The following UPK1B variants were observed in gnomAD, a reference collection of about 807,000 sequenced individuals.
UPK1B encodes uroplakin-1b.
Under a neutral mutation model 34.2 loss-of-function variants are expected in UPK1B, and 28 were observed. That is an observed-to-expected ratio of 0.82 (90% confidence interval 0.61 to 1.12). UPK1B has a LOEUF of 1.12. Ranked by LOEUF, UPK1B falls within the 50% of genes most tolerant of loss-of-function variation. The pLI, the probability that UPK1B is intolerant of heterozygous loss-of-function variation, is 0.00. For synonymous variants in UPK1B, 81 were observed against 110.4 expected, an observed-to-expected ratio of 0.73 and a Z score of 1.67; for missense variants, 325 against 320.9, an observed-to-expected ratio of 1.01 and a Z score of -0.10.
At chr3:119,185,735 A>G (rs2078014966) in intron 1 of UPK1B, among the ~76,000 whole-genome samples, 3 of 152,224 alleles carry the variant, frequency 2.0e-5, no homozygotes, top group Non-Finnish European at 4.4e-5. Context: ...GCAGGAATGC[A>G]TGAATTGATT....
At position 119,203,971 on chromosome 3, in the gene UPK1B, T is replaced by G; in HGVS notation, c.*4T>G. ...CTGGAGCAGAATTGAATATTAAGCA[T>G]AAAGTGTTGCCACCATACCTCCTTC... On this transcript the variant is annotated 3_prime_UTR_variant, in exon 8 of 8. Transcript: ENST00000264234. 1 of 1,613,926 alleles carries G rather than the reference T, an allele frequency of 6.2e-7. No individual in the cohort carries two copies. The highest frequency in any genetic ancestry group is 8.5e-7 in the Non-Finnish European group (1 of 1,179,988).
chr3:119,182,087 C>G (rs554764411), intron 1 of UPK1B, among the ~76,000 whole-genome samples: 10 of 152,360 alleles, frequency 6.6e-5, no homozygotes, highest in African/African-American at 2.4e-4. Flanking sequence ...AGGCGGGCCC[C>G]TCCCATGTGG....
chr3:119,193,010 C>A (rs11707683), intron 5 of UPK1B, among the ~76,000 whole-genome samples: 38,905 of 71,878 alleles, frequency 0.54, 5,004 homozygotes, highest in Middle Eastern at 0.58. Flanking sequence ...CACCACTCAA[C>A]AAAAACAACC....
At chr3:119,194,719 A>G (rs1420327820) in intron 6 of UPK1B, among the ~76,000 whole-genome samples, 1 of 152,252 alleles carries the variant, frequency 6.6e-6, no homozygotes, top group Admixed American at 6.5e-5. Flanking sequence ...GTTTTGCTCT[A>G]GTTTTGCAAA....
chr3:119,175,392 C>T lies in UPK1B; in HGVS notation c.-29+1754C>T, dbSNP rs569218163. 6.8e-4 allele frequency among the ~76,000 whole-genome samples: 103 copies of T among 152,104 alleles called. 1 individual carries two copies. The highest frequency in any genetic ancestry group is 1.2e-3 in the Non-Finnish European group (81 of 68,026). ...TTAACCAGAGTAAACACCAGCCAGCCTTTAAATATGCTCTGGAATTTGTGC... is the reference window on the plus strand; with the variant it reads ...TTAACCAGAGTAAACACCAGCCAGCTTTTAAATATGCTCTGGAATTTGTGC... On this transcript the variant is annotated intron_variant, in intron 1 of 7. Coordinates refer to ENST00000264234, the MANE Select transcript of UPK1B (RefSeq NM_006952.4).
intron 1 of UPK1B, among the ~76,000 whole-genome samples, chr3:119,180,075 C>T (rs1193023565): frequency 6.6e-6 from 1 of 151,976 alleles, no homozygotes; most frequent in South Asian, 2.1e-4. Context: ...CTCAGCATCC[C>T]AAAGTGCTGG....
At position 119,194,212 on chromosome 3, in the gene UPK1B, C is replaced by T; in HGVS notation, c.469-7C>T. On this transcript the variant is annotated splice_region_variant and splice_polypyrimidine_tract_variant and intron_variant, in intron 5 of 7. Coordinates refer to ENST00000264234, the MANE Select transcript of UPK1B (RefSeq NM_006952.4). ...AAGAGAATTTTGTATCTCTCATCTG[C>T]TGACAGGACAATTGCTGTGGCGTAA... 6.2e-7 allele frequency: 1 copy of T among 1,613,252 alleles called. No individual in the cohort carries two copies. Among genetic ancestry groups the T allele is most frequent in the East Asian group, 2.2e-5 (1 of 44,864 alleles).
intron 6 of UPK1B, 68 bp downstream of exon 6, chr3:119,194,466 A>ATAACACAGCATTG: frequency 7.1e-7 from 1 of 1,402,936 alleles, no homozygotes; most frequent in Non-Finnish European, 9.6e-7. Context: ...AATATTGGTC[A>ATAACACAGCATTG]ACTGTAGGAA....
chr3:119,180,842 T>C (rs1286689675), intron 1 of UPK1B, among the ~76,000 whole-genome samples: 1 of 152,172 alleles, frequency 6.6e-6, no homozygotes, highest in Admixed American at 6.5e-5. Flanking sequence ...TTATGTCACC[T>C]TTCCTCTAAG....
chr3:119,196,464 GGCACAAAGCAA>G (rs1416628285), intron 6 of UPK1B, among the ~76,000 whole-genome samples: 1 of 152,010 alleles, frequency 6.6e-6, no homozygotes, highest in Non-Finnish European at 1.5e-5. Context: ...CATAATGCCT[GGCACAAAGCAA>G]GCACCGACGT....
At chr3:119,190,955 C>T (rs1217038517) in intron 4 of UPK1B, 27 bp from the exon 5 acceptor site, 1 of 1,612,364 alleles carries the variant, frequency 6.2e-7, no homozygotes, top group Non-Finnish European at 8.5e-7. Flanking sequence ...CTATCTCTCC[C>T]TCTTGTGTTG....
At chr3:119,176,795 T>C (rs1473441451) in intron 1 of UPK1B, among the ~76,000 whole-genome samples, 1 of 152,178 alleles carries the variant, frequency 6.6e-6, no homozygotes, top group East Asian at 1.9e-4. Flanking sequence ...GAGGCATTGT[T>C]TTAGAATAAC....
At chr3:119,188,577 C>A (rs1576869116) in intron 3 of UPK1B, among the ~76,000 whole-genome samples, 1 of 152,318 alleles carries the variant, frequency 6.6e-6, no homozygotes, top group Non-Finnish European at 1.5e-5. Flanking sequence ...CAGCTCACAC[C>A]TGCCTGTGGG....
chr3:119,196,827 C>T lies in UPK1B; in HGVS notation c.649-2230C>T, dbSNP rs550059406. Among the ~76,000 whole-genome samples, 4 of 151,932 alleles carry T rather than the reference C, an allele frequency of 2.6e-5. No individual in the cohort carries two copies. In the South Asian group the frequency reaches 6.2e-4, roughly 24 times the overall value. On this transcript the variant is annotated intron_variant, in intron 6 of 7. Coordinates refer to ENST00000264234, the MANE Select transcript of UPK1B (RefSeq NM_006952.4). ...TGCTGGGATTAAAGGAGTGAGCCAC[C>T]GTGCCCAGCCTGGTTTTTGTTTTGT...
intron 3 of UPK1B, 111 bp from the exon 4 acceptor site, chr3:119,190,134 T>C (rs976121055): frequency 1.2e-6 from 1 of 817,884 alleles, no homozygotes; most frequent in East Asian, 2.5e-5. Flanking sequence ...AATAACTACA[T>C]GAGTGATTAC....
intron 3 of UPK1B, among the ~76,000 whole-genome samples, chr3:119,188,186 A>G (rs755641221): frequency 6.6e-6 from 1 of 152,170 alleles, no homozygotes; most frequent in Non-Finnish European, 1.5e-5. Context: ...CAGTACAGAG[A>G]AGCCAAAGGG....
intron 1 of UPK1B, among the ~76,000 whole-genome samples, chr3:119,175,553 G>A (rs1399449676): frequency 1.7e-5 from 1 of 59,936 alleles, no homozygotes; most frequent in Non-Finnish European, 3.1e-5. Flanking sequence ...CCGCCCCAAG[G>A]ACTCTCCATA....
intron 6 of UPK1B, 66 bp from the exon 7 acceptor site, chr3:119,198,991 T>G (rs1487567129): frequency 1.3e-6 from 2 of 1,570,328 alleles, no homozygotes; most frequent in African/African-American, 2.7e-5. Context: ...GAACCTGCTT[T>G]CCCATCAATC....
intron 7 of UPK1B, among the ~76,000 whole-genome samples, chr3:119,203,126 A>AGGTC (rs2078099782): frequency 6.6e-6 from 1 of 152,072 alleles, no homozygotes; most frequent in African/African-American, 2.4e-5. Flanking sequence ...GCAAATCACG[A>AGGTC]GGTCAGGAGA....
Sources: gnomAD v4.1 joint callset for allele counts (sites outside exome capture counted in the v4.1 genomes callset) on GRCh38, gnomAD v4.1.1 for gene constraint, MANE v1.5 for transcripts, NCBI Gene and HGNC (gene_info 2026-07-23, HGNC 2026-07-21) for gene names.